The following TMPO variants were observed in gnomAD, a reference collection of about 807,000 sequenced individuals.
TMPO encodes LEM domain containing 4.
A neutral mutation model predicts 45.4 loss-of-function variants in TMPO; 22 were observed. That is an observed-to-expected ratio of 0.48 (90% CI 0.35 to 0.69). The LOEUF (loss-of-function observed/expected upper bound fraction) is 0.69, where lower values mean the gene tolerates loss of function less well. Ranked by LOEUF, TMPO falls within the 30% of genes least tolerant of loss-of-function variation. The pLI is 0.01. For synonymous variants in TMPO, 241 were observed against 204.1 expected (o/e 1.18, Z -1.54); for missense variants, 512 against 548.8 (o/e 0.93, Z 0.67).
intron 3 of TMPO, chr12:98,533,924 C>A: frequency 6.2e-7 from 1 of 1,614,128 alleles, no homozygotes; most frequent in South Asian, 1.1e-5. Flanking sequence ...ATTCAAGCAG[C>A]CTCCACTGAG....
chr12:98,541,116 C>T (rs922431199), intron 4 of TMPO, among the ~76,000 whole-genome samples: 4 of 152,012 alleles, frequency 2.6e-5, no homozygotes, highest in Non-Finnish European at 5.9e-5. Context: ...TTTTTAATTC[C>T]TTCCCCCATT....
intron 3 of TMPO, among the ~76,000 whole-genome samples, chr12:98,536,431 G>A (rs997479449): frequency 2.0e-5 from 3 of 151,678 alleles, no homozygotes; most frequent in African/African-American, 7.3e-5. Context: ...TCAGCTCGCT[G>A]CAACCTCCGC....
At chr12:98,517,050 G>T (rs1049074008) in intron 1 of TMPO, among the ~76,000 whole-genome samples, 1 of 152,120 alleles carries the variant, frequency 6.6e-6, no homozygotes, top group African/African-American at 2.4e-5. Flanking sequence ...ACCTCAGGTG[G>T]TCCTCCCGCC....
intron 8 of TMPO, 23 bp downstream of exon 8, chr12:98,546,470 G>A (rs1011793039): frequency 9.9e-6 from 14 of 1,420,672 alleles, no homozygotes; most frequent in Non-Finnish European, 1.4e-5. Context: ...ATTTAAACAA[G>A]TACTAGTGTA....
At chr12:98,533,321 G>A (rs1318693936) in intron 3 of TMPO, 2 of 1,614,026 alleles carry the variant, frequency 1.2e-6, no homozygotes, top group Non-Finnish European at 1.7e-6. Flanking sequence ...CCTCTCTCCA[G>A]TAAAAGGAAA....
intron 2 of TMPO, 72 bp from the exon 3 acceptor site, chr12:98,531,607 GC>G: frequency 6.9e-7 from 1 of 1,448,704 alleles, no homozygotes; most frequent in Non-Finnish European, 9.6e-7. Flanking sequence ...TTAAAATGTT[GC>G]TGAAGATAGT....
Position 98,547,834 on chromosome 12 carries a change from TGTTGACCC to T in TMPO, c.1342_1349del (p.Val448Ter), listed in dbSNP as rs1322687742. On this transcript the variant is annotated frameshift_variant, in exon 9 of 9. Transcript: ENST00000556029. LOFTEE classifies it high-confidence loss of function. Reference sequence around the variant, plus strand: ...TAAATCCCTTCTCTAATTTTCTTCATGTTGACCCTAGAAAATCCAACTGAATGGTATCT... The same window carrying T: ...TAAATCCCTTCTCTAATTTTCTTCATTAGAAAATCCAACTGAATGGTATCT... The T allele has an allele frequency of 6.2e-7, 1 of 1,614,110 alleles. No homozygotes were observed. The highest frequency in any genetic ancestry group is 1.1e-5 in the South Asian group (1 of 91,036).
intron 1 of TMPO, among the ~76,000 whole-genome samples, chr12:98,522,520 A>G (rs753489300): frequency 1.5e-4 from 23 of 152,202 alleles, no homozygotes; most frequent in Non-Finnish European, 2.8e-4. Context: ...GTCTTAATCT[A>G]AGATCCTCTA....
chr12:98,515,706 T>G lies in TMPO; in HGVS notation c.-162T>G. The G allele has an allele frequency of 6.8e-7, 1 of 1,469,904 alleles. No individual in the cohort carries two copies. Among genetic ancestry groups the G allele is most frequent in the Admixed American group, 2.2e-5 (1 of 44,468 alleles). The allele number at this position is 1,469,904 out of a possible 1,614,324, so 91.1% of individuals were successfully genotyped here. A position where few individuals can be genotyped will look rare whatever the true frequency, so the allele number is the denominator to read the frequency against. On this transcript the variant is annotated 5_prime_UTR_variant, in exon 1 of 9. Coordinates refer to ENST00000556029, the MANE Select transcript of TMPO (RefSeq NM_001032283.3). ...GGGGTCTTTTGTGTCCGGGTCTGGC[T>G]TGGCTTTGTGTCCGCGAGTTTTTGT... is the stretch of plus-strand genomic sequence containing the variant.
At chr12:98,547,029 CTATT>C (rs10542097) in intron 8 of TMPO, among the ~76,000 whole-genome samples, 17,893 of 151,018 alleles carry the variant, frequency 0.12, 1,641 homozygotes, top group African/African-American at 0.26. Context: ...GGTTTAGTGA[CTATT>C]TATCAGTGTT....
At chr12:98,531,398 G>A (rs548130174) in intron 2 of TMPO, among the ~76,000 whole-genome samples, 20 of 151,816 alleles carry the variant, frequency 1.3e-4, no homozygotes, top group Non-Finnish European at 2.4e-4. Flanking sequence ...CACCATGCCC[G>A]GCTAATTTTT....
At position 98,516,072 on chromosome 12, in the gene TMPO, G is replaced by A; in HGVS notation, c.205G>A (p.Glu69Lys). ...GGGGCCCCCGGACTTCTCCAGTGAC[G>A]AAGAGCGCGAGCCCACCCCGGTCCT... ...SKGPPDFSSD[E>K]EREPTPVLGS... The change falls in exon 1 of 9, where the codon GAA becomes AAA. Residue 69 changes from glutamate (E) to lysine (K), a missense_variant. This residue lies in a region of TMPO where 299 missense variants were observed against 296.7 expected (regional missense o/e 1.01). Coordinates refer to ENST00000556029, the MANE Select transcript of TMPO (RefSeq NM_001032283.3). 3 of 1,604,990 alleles carry A rather than the reference G, an allele frequency of 1.9e-6. No individual in the cohort carries two copies. Among genetic ancestry groups the A allele is most frequent in the Non-Finnish European group, 2.5e-6 (3 of 1,177,902 alleles).
rs1877414127 is a variant in TMPO, at chr12:98,534,130, G to A, written c.565+2292G>A. 1 of 1,613,938 alleles carries A rather than the reference G, an allele frequency of 6.2e-7. No homozygotes were observed. The highest frequency in any genetic ancestry group is 8.5e-7 in the Non-Finnish European group (1 of 1,179,914). ...GATTCTGAGCAAAACATATGATGCA[G>A]CCTCATATATTTGTGAAGCTGCATT... On this transcript the variant is annotated intron_variant, in intron 3 of 8. Transcript: ENST00000556029.
At chr12:98,535,329 A>G (rs1247805246) in intron 3 of TMPO, 8 of 984,022 alleles carry the variant, frequency 8.1e-6, no homozygotes, top group Non-Finnish European at 9.7e-6. Context: ...GTATGTCTGT[A>G]TAAAGCAGTG....
In TMPO at chr12:98,523,850, AT is replaced by A. The variant is rs527605596; in HGVS notation, c.280-4031del. On this transcript the variant is annotated intron_variant, in intron 1 of 8. Coordinates refer to ENST00000556029, the MANE Select transcript of TMPO (RefSeq NM_001032283.3). ...GCCATCACACCTGGCTAATTTTTGTATTTTTAGTAGAGATGGGGTTTCACCG... is the reference window on the plus strand; with the variant it reads ...GCCATCACACCTGGCTAATTTTTGTATTTTAGTAGAGATGGGGTTTCACCG... Among the ~76,000 whole-genome samples, 759 of 151,960 alleles carry A rather than the reference AT, an allele frequency of 5.0e-3. 5 individuals are homozygous for A. Among genetic ancestry groups the A allele is most frequent in the African/African-American group, 0.017 (718 of 41,436 alleles).
intron 1 of TMPO, among the ~76,000 whole-genome samples, chr12:98,520,090 G>C (rs1876219622): frequency 6.6e-6 from 1 of 151,358 alleles, no homozygotes; most frequent in African/African-American, 2.4e-5. Flanking sequence ...CTCCCAAGTA[G>C]CTGGGATTAC....
At position 98,548,075 on chromosome 12, in the gene TMPO, A is replaced by T. The variant is rs1878332434; in HGVS notation, c.*217A>T. On this transcript the variant is annotated 3_prime_UTR_variant, in exon 9 of 9. Coordinates refer to ENST00000556029, the MANE Select transcript of TMPO (RefSeq NM_001032283.3). The stretch of plus-strand genomic sequence containing the variant: ...TAGGAGATCACTTTGTGCCATATGA[A>T]TAATCTTTTTTAGCTCTGGAACTTT... The T allele has an allele frequency of 2.1e-6, 1 of 486,412 alleles. No homozygotes were observed. The highest frequency in any genetic ancestry group is 3.9e-5 in the Admixed American group (1 of 25,352). The allele number at this position is 486,412 out of a possible 1,614,324, so 30.1% of individuals were successfully genotyped here. A position where few individuals can be genotyped will look rare whatever the true frequency, so the allele number is the denominator to read the frequency against.
rs988543730 is a variant in TMPO, at chr12:98,549,717, G to A, written c.*1859G>A. On this transcript the variant is annotated 3_prime_UTR_variant, in exon 9 of 9. Coordinates refer to ENST00000556029, the MANE Select transcript of TMPO (RefSeq NM_001032283.3). Reference sequence around the variant, plus strand: ...AATACTTACTAAAAAGGAAGAAGCCGAAGATGTATATTTAGACCAGCACAC... The same window carrying A: ...AATACTTACTAAAAAGGAAGAAGCCAAAGATGTATATTTAGACCAGCACAC... The A allele has an allele frequency of 9.2e-5, 13 of 141,724 alleles. No individual in the cohort carries two copies. Among genetic ancestry groups the A allele is most frequent in the African/African-American group, 1.3e-4 (5 of 38,718 alleles). 8.8% of individuals were successfully genotyped at this position (141,724 alleles called of 1,614,324 possible).
chr12:98,539,254 GT>G (rs201463038), intron 4 of TMPO, among the ~76,000 whole-genome samples: 4,125 of 152,080 alleles, frequency 0.027, 170 homozygotes, highest in African/African-American at 0.092. Flanking sequence ...GGATAATTGA[GT>G]TGGAGGAATC....
Sources: gnomAD v4.1 joint callset for allele counts (sites outside exome capture counted in the v4.1 genomes callset) on GRCh38, gnomAD v4.1.1 for gene constraint, gnomAD v4.1.1 regional missense constraint, MANE v1.5 for transcripts, NCBI Gene and HGNC (gene_info 2026-07-23, HGNC 2026-07-21) for gene names.